The following LRRC4C variants were observed in gnomAD, a reference collection of about 807,000 sequenced individuals.
LRRC4C encodes the protein leucine-rich repeat-containing protein 4C.
LRRC4C carries 5 observed loss-of-function variants against 33.6 expected under a neutral mutation model. The ratio of observed to expected loss-of-function variants is 0.15; its 90% CI spans 0.08 to 0.31. LRRC4C has a LOEUF of 0.31. LRRC4C is among the 10% of genes least tolerant of loss of function. LRRC4C has a pLI of 1.00. For missense variants in LRRC4C, 560 were observed against 796.7 expected, an observed-to-expected ratio of 0.70 and a Z score of 3.58; for synonymous variants, 329 against 302.0, an observed-to-expected ratio of 1.09 and a Z score of -0.93.
intron 1 of LRRC4C, among the ~76,000 whole-genome samples, chr11:40,947,950 G>A (rs1958484639): frequency 6.6e-6 from 1 of 152,110 alleles, no homozygotes; most frequent in Admixed American, 6.6e-5. Context: ...CTACCATTGT[G>A]TTGAGTATTT....
At chr11:41,141,342 T>C (rs1401909451) in intron 1 of LRRC4C, among the ~76,000 whole-genome samples, 1 of 152,018 alleles carries the variant, frequency 6.6e-6, no homozygotes, top group East Asian at 1.9e-4. Context: ...ACCTTATCTG[T>C]TTGACACATA....
chr11:41,082,664 C>G (rs1183859939), intron 1 of LRRC4C, among the ~76,000 whole-genome samples: 1 of 152,162 alleles, frequency 6.6e-6, no homozygotes, highest in Non-Finnish European at 1.5e-5. Context: ...GCAATTTACG[C>G]AGGTCTGTTT....
intron 1 of LRRC4C, among the ~76,000 whole-genome samples, chr11:41,238,722 T>C: frequency 6.6e-6 from 1 of 152,310 alleles, no homozygotes; most frequent in East Asian, 1.9e-4. Flanking sequence ...ATCAACACCC[T>C]GGACCTTCCT....
At chr11:41,205,397 A>G (rs1158001302) in intron 1 of LRRC4C, among the ~76,000 whole-genome samples, 1 of 152,192 alleles carries the variant, frequency 6.6e-6, no homozygotes, top group Non-Finnish European at 1.5e-5. Context: ...GGGCTCCTGA[A>G]ATCTTCAAGG....
chr11:40,209,426 T>A (rs1863412436), intron 5 of LRRC4C, among the ~76,000 whole-genome samples: 2 of 152,220 alleles, frequency 1.3e-5, no homozygotes, highest in South Asian at 4.1e-4. Context: ...AAGGCTTTCC[T>A]TGAAATAATC....
chr11:40,889,544 C>T (rs190349741), intron 2 of LRRC4C, among the ~76,000 whole-genome samples: 1 of 151,984 alleles, frequency 6.6e-6, no homozygotes, highest in East Asian at 1.9e-4. Context: ...GAAAATTAAA[C>T]AAAAACAAAA....
At chr11:40,422,888 T>A (rs1041576529) in intron 3 of LRRC4C, among the ~76,000 whole-genome samples, 2 of 152,136 alleles carry the variant, frequency 1.3e-5, no homozygotes, top group Admixed American at 1.3e-4. Flanking sequence ...TTTCCAAAAA[T>A]GTTGTGAGTC....
chr11:41,278,763 A>G (rs1949561797), intron 1 of LRRC4C, among the ~76,000 whole-genome samples: 1 of 152,208 alleles, frequency 6.6e-6, no homozygotes, highest in South Asian at 2.1e-4. Context: ...GAGTTGTAGC[A>G]GATAGCAATT....
intron 2 of LRRC4C, among the ~76,000 whole-genome samples, chr11:40,906,765 T>G (rs1357500303): frequency 6.6e-6 from 1 of 152,150 alleles, no homozygotes; most frequent in Non-Finnish European, 1.5e-5. Flanking sequence ...ATGTATTCTG[T>G]TTAATTTCTA....
In LRRC4C at chr11:41,337,087, C is replaced by T. The variant is rs186448134; in HGVS notation, c.-496+122344G>A. 2.9e-4 allele frequency among the ~76,000 whole-genome samples: 44 copies of T among 152,056 alleles called. No homozygotes were observed. In the South Asian group the frequency reaches 8.1e-3, roughly 28 times the overall value. ...TGAAATAGGGTCTTGCTTTGTCACC[C>T]AAGCTAGAGTTCAGCAGCATGATCA... On this transcript the variant is annotated intron_variant, in intron 1 of 6. Coordinates refer to ENST00000528697, the MANE Select transcript of LRRC4C (RefSeq NM_001258419.2).
At position 41,258,328 on chromosome 11, in the gene LRRC4C, T is replaced by C. The variant is rs551866080; in HGVS notation, c.-496+201103A>G. On this transcript the variant is annotated intron_variant, in intron 1 of 6. Coordinates refer to ENST00000528697, the MANE Select transcript of LRRC4C (RefSeq NM_001258419.2). Reference sequence around the variant, plus strand: ...TATCTTCAAGGGAAGAAGACACTGGTATATGTTAGCCTTCACGAGTTCTCT... The same window carrying C: ...TATCTTCAAGGGAAGAAGACACTGGCATATGTTAGCCTTCACGAGTTCTCT... 3.2e-4 allele frequency among the ~76,000 whole-genome samples: 49 copies of C among 152,120 alleles called. 1 individual carries two copies. Among genetic ancestry groups the C allele is most frequent in the Admixed American group, 3.2e-3 (49 of 15,234 alleles).
chr11:40,209,662 CCTCCCAAGTAG>C (rs1228470796), intron 5 of LRRC4C, among the ~76,000 whole-genome samples: 28 of 152,250 alleles, frequency 1.8e-4, no homozygotes, highest in African/African-American at 6.0e-4. Context: ...CATGCCTCAG[CCTCCCAAGTAG>C]CTGGGACTAC....
At chr11:40,302,462 A>G (rs1004347567) in intron 4 of LRRC4C, among the ~76,000 whole-genome samples, 7 of 152,098 alleles carry the variant, frequency 4.6e-5, no homozygotes, top group African/African-American at 1.2e-4. Context: ...TTTGACCTCT[A>G]TGGGTAAAGA....
chr11:41,066,786 A>G (rs1938274278), intron 1 of LRRC4C, among the ~76,000 whole-genome samples: 1 of 152,202 alleles, frequency 6.6e-6, no homozygotes, highest in African/African-American at 2.4e-5. Context: ...AAGAATTTCC[A>G]ACCCAGAATT....
chr11:40,158,630 G>C (rs902127111), intron 5 of LRRC4C, among the ~76,000 whole-genome samples: 5 of 150,744 alleles, frequency 3.3e-5, no homozygotes, highest in African/African-American at 1.2e-4. Context: ...CAAGGATGAA[G>C]AGAGGGGCTG....
intron 1 of LRRC4C, among the ~76,000 whole-genome samples, chr11:41,318,230 T>C (rs1200974966): frequency 6.6e-6 from 1 of 152,204 alleles, no homozygotes; most frequent in Non-Finnish European, 1.5e-5. Context: ...ACAGTAGATA[T>C]TTTTAGGTGT....
intron 3 of LRRC4C, among the ~76,000 whole-genome samples, chr11:40,366,752 T>C (rs1022413325): frequency 1.1e-4 from 16 of 151,996 alleles, no homozygotes; most frequent in Non-Finnish European, 1.2e-4. Flanking sequence ...GACACAATGA[T>C]ATGAGGTGAC....
intron 1 of LRRC4C, among the ~76,000 whole-genome samples, chr11:41,242,226 C>T (rs982427648): frequency 1.5e-4 from 23 of 151,928 alleles, no homozygotes; most frequent in African/African-American, 5.3e-4. Context: ...TTTTGTATAG[C>T]CAAACCTATA....
At chr11:41,163,284 G>GTTTTTTTTGTTTTTTTTTTTTTT (rs1944557446) in intron 1 of LRRC4C, among the ~76,000 whole-genome samples, 1 of 73,382 alleles carries the variant, frequency 1.4e-5, no homozygotes, top group Non-Finnish European at 2.4e-5. Context: ...TACTGTAACT[G>GTTTTTTTTGTTTTTTTTTTTTTT]TTTTTTTTTT....
Sources: allele counts gnomAD v4.1 joint callset (sites outside exome capture counted in the v4.1 genomes callset), GRCh38; gene constraint gnomAD v4.1.1; transcripts MANE v1.5; gene names NCBI Gene and HGNC (gene_info 2026-07-23, HGNC 2026-07-21).